The following PLXDC2 variants were observed in gnomAD, a reference collection of about 807,000 sequenced individuals.
PLXDC2 encodes the protein plexin domain-containing protein 2.
A neutral mutation model predicts 68.9 loss-of-function variants in PLXDC2; 40 were observed. The ratio of observed to expected loss-of-function variants is 0.58; its 90% CI spans 0.45 to 0.76. The LOEUF is 0.76. Ranked by LOEUF, PLXDC2 falls within the 30% of genes least tolerant of loss-of-function variation. The pLI, the probability that PLXDC2 is intolerant of heterozygous loss-of-function variation, is 0.00. For synonymous variants in PLXDC2, 243 were observed against 234.2 expected (o/e 1.04, Z -0.34); for missense variants, 644 against 661.9 (o/e 0.97, Z 0.30).
intron 1 of PLXDC2, among the ~76,000 whole-genome samples, chr10:19,962,026 G>T (rs1298083192): frequency 1.3e-5 from 2 of 152,094 alleles, no homozygotes. Context: ...CTTTTATCAT[G>T]CGGAAATGAG....
In PLXDC2 at chr10:20,120,172, A is replaced by G. The variant is rs536786588; in HGVS notation, c.542-23123A>G. Among the ~76,000 whole-genome samples the G allele has an allele frequency of 1.5e-3, 232 of 152,214 alleles. 1 individual carries two copies. The highest frequency in any genetic ancestry group is 4.3e-3 in the African/African-American group (179 of 41,528). ...TAGACAGAAGATAGTAGGGATGACA[A>G]GTTTTTTGGGGGCAGAGTCTAAGTT... is the stretch of plus-strand genomic sequence containing the variant. On this transcript the variant is annotated intron_variant, in intron 4 of 13. Transcript: ENST00000377252.
intron 1 of PLXDC2, among the ~76,000 whole-genome samples, chr10:19,986,873 A>G (rs1834650086): frequency 1.3e-5 from 2 of 152,164 alleles, no homozygotes. Context: ...GAGATGCAGG[A>G]TTATTACTTT....
At chr10:19,995,329 T>C (rs555407857) in intron 1 of PLXDC2, among the ~76,000 whole-genome samples, 1 of 152,282 alleles carries the variant, frequency 6.6e-6, no homozygotes, top group South Asian at 2.1e-4. Flanking sequence ...AGGGCCAAAA[T>C]TCCAAGAGTC....
chr10:19,968,453 C>T (rs1373622253), intron 1 of PLXDC2, among the ~76,000 whole-genome samples: 1 of 152,164 alleles, frequency 6.6e-6, no homozygotes. Flanking sequence ...GCTGGGACTA[C>T]AGGCGCACAC....
At chr10:20,083,883 G>A (rs1319669975) in intron 4 of PLXDC2, among the ~76,000 whole-genome samples, 1 of 152,166 alleles carries the variant, frequency 6.6e-6, no homozygotes, top group Admixed American at 6.5e-5. Flanking sequence ...GAATGTTGCA[G>A]TGAAAGAAGG....
At chr10:20,072,424 G>GAGAAAGAAAGAAAGAAAGAAAGAAAGAA (rs60778723) in intron 4 of PLXDC2, among the ~76,000 whole-genome samples, 1 of 130,230 alleles carries the variant, frequency 7.7e-6, no homozygotes, top group Non-Finnish European at 1.6e-5. Flanking sequence ...GAAAGAAAGA[G>GAGAAAGAAAGAAAGAAAGAAAGAAAGAA]AGAAAGAAAG....
chr10:20,058,979 A>G (rs1836051575), intron 3 of PLXDC2, among the ~76,000 whole-genome samples: 1 of 152,206 alleles, frequency 6.6e-6, no homozygotes, highest in Non-Finnish European at 1.5e-5. Flanking sequence ...GGCCACTTAT[A>G]TAACAGAGCT....
chr10:20,177,051 A>G lies in PLXDC2; in HGVS notation c.936A>G (p.Ser312=), dbSNP rs766156156. The G allele has an allele frequency of 6.2e-7, 1 of 1,612,174 alleles. No homozygotes were observed. The highest frequency in any genetic ancestry group is 8.5e-7 in the Non-Finnish European group (1 of 1,178,988). The change falls in exon 8 of 14, where the codon TCA becomes TCG. Residue 312 remains serine, a synonymous_variant. Coordinates refer to ENST00000377252, the MANE Select transcript of PLXDC2 (RefSeq NM_032812.9). The part of the protein sequence containing the change: ...YEYHRVELQM[S]KITNISAVEM... ...ACCACCGAGTAGAGCTACAAATGTC[A>G]AAAATTACCAACATTTCGGCTGTGG...
chr10:20,060,837 A>T (rs542335318), intron 3 of PLXDC2, among the ~76,000 whole-genome samples: 7 of 152,360 alleles, frequency 4.6e-5, no homozygotes, highest in East Asian at 3.9e-4. Flanking sequence ...CTGAAAGCTT[A>T]TAACAGGTAG....
At chr10:19,906,289 C>G (rs577358438) in intron 1 of PLXDC2, among the ~76,000 whole-genome samples, 1 of 152,140 alleles carries the variant, frequency 6.6e-6, no homozygotes, top group Non-Finnish European at 1.5e-5. Flanking sequence ...TAGTTTGTTA[C>G]TCACAGATCC....
chr10:20,182,917 A>C (rs1234989935), intron 9 of PLXDC2, among the ~76,000 whole-genome samples: 1 of 151,242 alleles, frequency 6.6e-6, no homozygotes, highest in Non-Finnish European at 1.5e-5. Context: ...TCATTGTTCA[A>C]CTCCCCCTTA....
chr10:19,928,495 C>T (rs968258969), intron 1 of PLXDC2, among the ~76,000 whole-genome samples: 2 of 152,002 alleles, frequency 1.3e-5, no homozygotes, highest in African/African-American at 4.8e-5. Context: ...GTGTTTATTG[C>T]AAAATTTGGA....
At chr10:19,931,284 A>C (rs1330162392) in intron 1 of PLXDC2, among the ~76,000 whole-genome samples, 1 of 152,002 alleles carries the variant, frequency 6.6e-6, no homozygotes, top group Non-Finnish European at 1.5e-5. Flanking sequence ...TCCAGTGTGC[A>C]CTCCTTCTTT....
rs548383909 is a variant in PLXDC2, at chr10:20,287,299, A to T, written c.*7480A>T. ...AGAGAATTAGTGAATGACCAAAAAGAGACTTTCCATTTATCTTCCTTTGAC... is the reference window on the plus strand; with the variant it reads ...AGAGAATTAGTGAATGACCAAAAAGTGACTTTCCATTTATCTTCCTTTGAC... On this transcript the variant is annotated 3_prime_UTR_variant, in exon 14 of 14. Transcript: ENST00000377252. 6.6e-5 allele frequency: 10 copies of T among 152,322 alleles called. No individual in the cohort carries two copies. The South Asian group carries it at 2.1e-3, about 32-fold the overall frequency. 9.4% of individuals were successfully genotyped at this position (152,322 alleles called of 1,614,324 possible). A position where few individuals can be genotyped will look rare whatever the true frequency, so the allele number is the denominator to read the frequency against.
chr10:20,059,800 T>G (rs1167450749), intron 3 of PLXDC2, among the ~76,000 whole-genome samples: 1 of 152,168 alleles, frequency 6.6e-6, no homozygotes, highest in Non-Finnish European at 1.5e-5. Context: ...TTCTACATGG[T>G]AAAAGCATTA....
intron 1 of PLXDC2, among the ~76,000 whole-genome samples, chr10:19,982,798 CTAAA>C (rs1389894039): frequency 6.6e-6 from 1 of 152,010 alleles, no homozygotes; most frequent in Non-Finnish European, 1.5e-5. Context: ...AGGAAATAAA[CTAAA>C]TAACCTTCAT....
At chr10:20,045,828 C>CAGTCCA (rs1835788197) in intron 2 of PLXDC2, among the ~76,000 whole-genome samples, 1 of 151,954 alleles carries the variant, frequency 6.6e-6, no homozygotes, top group South Asian at 2.1e-4. Context: ...TATTTTTTGT[C>CAGTCCA]TACTAACTCC....
intron 6 of PLXDC2, among the ~76,000 whole-genome samples, chr10:20,156,015 G>A (rs957081039): frequency 2.0e-5 from 3 of 152,076 alleles, no homozygotes; most frequent in Non-Finnish European, 2.9e-5. Context: ...AAGGAGCTGG[G>A]ATTACAGGTG....
chr10:20,227,981 T>G (rs1204882635), intron 12 of PLXDC2, among the ~76,000 whole-genome samples: 1 of 152,090 alleles, frequency 6.6e-6, no homozygotes, highest in Non-Finnish European at 1.5e-5. Context: ...GTGATTTACG[T>G]CATAGGAAAG....
Sources: gnomAD v4.1 joint callset for allele counts (sites outside exome capture counted in the v4.1 genomes callset) on GRCh38, gnomAD v4.1.1 for gene constraint, MANE v1.5 for transcripts, NCBI Gene and HGNC (gene_info 2026-07-23, HGNC 2026-07-21) for gene names.